Variants in GGA1 observed in about 807,000 individuals in gnomAD.
The protein encoded by GGA1 is golgi associated, gamma adaptin ear containing, ARF binding protein 1.
A neutral mutation model predicts 76.9 loss-of-function variants in GGA1; 18 were observed. The observed-to-expected ratio is 0.23, with a 90% CI of 0.16 to 0.35. GGA1 has a LOEUF of 0.35. Ranked by LOEUF, GGA1 falls within the 10% of genes least tolerant of loss-of-function variation. GGA1 has a pLI of 1.00. For synonymous variants in GGA1, 342 were observed against 354.7 expected (o/e 0.96, Z 0.40); for missense variants, 755 against 859.0 (o/e 0.88, Z 1.51).
intron 11 of GGA1, among the ~76,000 whole-genome samples, chr22:37,628,991 G>A (rs959814700): frequency 7.9e-5 from 12 of 152,208 alleles, no homozygotes; most frequent in Non-Finnish European, 1.5e-4. Flanking sequence ...GTCCAGCCCT[G>A]TCCTCGTATT....
chr22:37,617,134 G>C, intron 3 of GGA1, 137 bp downstream of exon 3: 2 of 1,504,472 alleles, frequency 1.3e-6, no homozygotes, highest in Non-Finnish European at 1.8e-6. Context: ...ATGGAGGTCC[G>C]GGCCTGCCCC....
At chr22:37,620,779 T>TC in intron 5 of GGA1, 34 bp from the exon 6 acceptor site, 1 of 1,318,288 alleles carries the variant, frequency 7.6e-7, no homozygotes, top group Non-Finnish European at 1.1e-6. Flanking sequence ...GCCTGGGACA[T>TC]ATTGACAGCC....
rs368649058 is a variant in GGA1, at chr22:37,623,453, G to A, written c.736G>A (p.Glu246Lys). 29 of 1,613,954 alleles carry A rather than the reference G, an allele frequency of 1.8e-5. No individual in the cohort carries two copies. The highest frequency in any genetic ancestry group is 6.7e-5 in the East Asian group (3 of 44,896). The change falls in exon 8 of 17, where the codon GAG (glutamate) becomes AAG (lysine). Residue 246 changes from glutamate (E) to lysine (K), a missense_variant. Glu to Lys is a moderately conservative substitution (Grantham distance 56). Transcript: ENST00000343632. This position sits in a 1 kb window ranked among gnomAD's most constrained non-coding sequence, Gnocchi z 4.6. ...SQGGAAAGSS[E>K]DLMKELYQRC... The stretch of plus-strand genomic sequence containing the variant: ...GGGCGGCGCAGCAGCTGGCAGCAGC[G>A]AGGACCTCATGAAGGTGCACCTGCC...
rs948167406 is a variant in GGA1 at position 37,624,174 on chromosome 22, G to A, written c.832+541G>A. On this transcript the variant is annotated intron_variant, in intron 9 of 16. Transcript: ENST00000343632. The surrounding 1 kb of genome is among the most constrained non-coding windows in gnomAD (Gnocchi z 4.3). ...TGGGTACCATCCACTCCCTCATTAA[G>A]CAGGAGCCCCACCCACAAGGCTCAC... 1.9e-5 allele frequency: 3 copies of A among 161,794 alleles called. No homozygotes were observed. The highest frequency in any genetic ancestry group is 4.1e-5 in the Non-Finnish European group (3 of 72,524). The allele number at this position is 161,794 out of a possible 1,614,324, so 10.0% of individuals were successfully genotyped here.
At chr22:37,616,687 C>T (rs1251921707) in intron 2 of GGA1, among the ~76,000 whole-genome samples, 1 of 152,234 alleles carries the variant, frequency 6.6e-6, no homozygotes, top group Non-Finnish European at 1.5e-5. Flanking sequence ...CTGTCTGGCC[C>T]TGCCCTGCCA....
chr22:37,632,801 GC>G lies in GGA1; in HGVS notation c.*93del. On this transcript the variant is annotated 3_prime_UTR_variant, in exon 17 of 17. Coordinates refer to ENST00000343632, the MANE Select transcript of GGA1 (RefSeq NM_013365.5). The surrounding 1 kb of genome is among the most constrained non-coding windows in gnomAD (Gnocchi z 5.1). ...TTGGTGGCCAAGGACACCCTTTGTT[GC>G]CCATGGCCATTCACCCCCAGGCCTG... 1.3e-6 allele frequency: 1 copy of G among 771,642 alleles called. No homozygotes were observed. The highest frequency in any genetic ancestry group is 1.5e-5 in the South Asian group (1 of 65,994). The allele number at this position is 771,642 out of a possible 1,614,324, so 47.8% of individuals were successfully genotyped here. A position where few individuals can be genotyped will look rare whatever the true frequency, so the allele number is the denominator to read the frequency against.
At position 37,621,765 on chromosome 22, in the gene GGA1, G is replaced by T. The variant is rs1929941276; in HGVS notation, c.609+69G>T. The stretch of plus-strand genomic sequence containing the variant: ...TATTGAGCTGGGCCACTGAGATGGG[G>T]CTGTATGCATCTTCACATGGAAGGA... On this transcript the variant is annotated intron_variant, in intron 7 of 16. Coordinates refer to ENST00000343632, the MANE Select transcript of GGA1 (RefSeq NM_013365.5). 3.0e-6 allele frequency: 3 copies of T among 998,274 alleles called. No individual in the cohort carries two copies. The Admixed American group carries it at 6.5e-5, about 22-fold the overall frequency. The allele number at this position is 998,274 out of a possible 1,614,324, so 61.8% of individuals were successfully genotyped here.
chr22:37,611,318 C>T (rs1927533433), intron 1 of GGA1, among the ~76,000 whole-genome samples: 1 of 151,772 alleles, frequency 6.6e-6, no homozygotes, highest in Non-Finnish European at 1.5e-5. Context: ...TCTGAGAGCC[C>T]TCCCAGAGAG....
At chr22:37,617,269 G>A in intron 3 of GGA1, 1 of 1,341,554 alleles carries the variant, frequency 7.5e-7, no homozygotes, top group Non-Finnish European at 9.5e-7. Context: ...CTGCACATCG[G>A]CTGCCTCTCC....
At position 37,612,369 on chromosome 22, in the gene GGA1, G is replaced by T. The variant is rs570398608; in HGVS notation, c.44-1821G>T. On this transcript the variant is annotated intron_variant, in intron 1 of 16. Transcript: ENST00000343632. ...CACCTGTAGTCCCAGCTACTCGGGA[G>T]GCTGAGGCAGGAGAATGGCGTGAAC... Among the ~76,000 whole-genome samples, 10 of 149,754 alleles carry T rather than the reference G, an allele frequency of 6.7e-5. 1 individual carries two copies. In the East Asian group the frequency reaches 2.0e-3, roughly 29 times the overall value.
At position 37,625,194 on chromosome 22, in the gene GGA1, C is replaced by G. The variant is rs905429279; in HGVS notation, c.940+118C>G. 5 of 910,046 alleles carry G rather than the reference C, an allele frequency of 5.5e-6. No individual in the cohort carries two copies. In the East Asian group the frequency reaches 1.3e-4, roughly 25 times the overall value. 56.4% of individuals were successfully genotyped at this position (910,046 alleles called of 1,614,324 possible). ...ATGACTGCCAGGGTGACCCTGGCCC[C>G]TTAAGATGGGGAAGGCCCCAGGGAG... On this transcript the variant is annotated intron_variant, in intron 10 of 16. Transcript: ENST00000343632. The surrounding 1 kb of genome is among the most constrained non-coding windows in gnomAD (Gnocchi z 4.1).
intron 2 of GGA1, 52 bp from the exon 3 acceptor site, chr22:37,616,870 G>A: frequency 6.5e-7 from 1 of 1,536,672 alleles, no homozygotes; most frequent in East Asian, 2.4e-5. Flanking sequence ...GTGGCCCTAG[G>A]GTGACCGGGA....
chr22:37,620,577 CAA>C (rs1929699407), intron 5 of GGA1, among the ~76,000 whole-genome samples: 1 of 152,204 alleles, frequency 6.6e-6, no homozygotes, highest in Non-Finnish European at 1.5e-5. Flanking sequence ...AGCTTCCCCT[CAA>C]AGAGTGGTCT....
rs539679961 is a variant in GGA1, at chr22:37,623,611, A to G, written c.810A>G (p.Thr270=). The change falls in exon 9 of 17, where the codon ACA becomes ACG. Residue 270 remains threonine, a synonymous_variant. Transcript: ENST00000343632. The surrounding 1 kb of genome is among the most constrained non-coding windows in gnomAD (Gnocchi z 4.6). ...CGCTCTTCCGACTGGCGAGTGACAC[A>G]GAGGACAATGATGAGGCCTTAGGTG... ...RPTLFRLASD[T]EDNDEALAEI... The G allele has an allele frequency of 1.8e-5, 28 of 1,592,280 alleles. No homozygotes were observed. In the South Asian group the frequency reaches 2.8e-4, roughly 16 times the overall value.
At chr22:37,630,716 G>A (rs1043864378) in intron 13 of GGA1, 187 bp from the exon 14 acceptor site, 20 of 573,198 alleles carry the variant, frequency 3.5e-5, no homozygotes, top group Admixed American at 6.9e-5. Flanking sequence ...ACAGGTGTGC[G>A]CTACCACGCC....
intron 1 of GGA1, chr22:37,613,096 C>T (rs1928042476): frequency 2.0e-6 from 2 of 985,240 alleles, no homozygotes; most frequent in Non-Finnish European, 2.4e-6. Context: ...AGAGAACTGA[C>T]CCAGCACTGC....
chr22:37,617,051 A>G, intron 3 of GGA1, 54 bp downstream of exon 3: 1 of 1,560,866 alleles, frequency 6.4e-7, no homozygotes, highest in Non-Finnish European at 8.7e-7. Context: ...ACACCAAGGG[A>G]GGCCAAGACT....
At chr22:37,618,663 C>A in intron 4 of GGA1, 117 bp downstream of exon 4, 1 of 647,046 alleles carries the variant, frequency 1.5e-6, no homozygotes, top group Admixed American at 2.2e-5. Flanking sequence ...GTCACCTCAG[C>A]CCCCCATTAG....
chr22:37,624,872 C>T lies in GGA1; in HGVS notation c.833-97C>T, dbSNP rs541483874. 3 of 1,484,476 alleles carry T rather than the reference C, an allele frequency of 2.0e-6. No individual in the cohort carries two copies. The East Asian group carries it at 7.5e-5, about 37-fold the overall frequency. 92.0% of individuals were successfully genotyped at this position (1,484,476 alleles called of 1,614,324 possible). A position where few individuals can be genotyped will look rare whatever the true frequency, so the allele number is the denominator to read the frequency against. On this transcript the variant is annotated intron_variant, in intron 9 of 16. Transcript: ENST00000343632. The surrounding 1 kb of genome is among the most constrained non-coding windows in gnomAD (Gnocchi z 4.3). ...TTTCCCTGCCCCTTTCCCTTCCCCT[C>T]ACACACAGGCTGTGATGGATGTGGG...
Sources: allele counts gnomAD v4.1 joint callset (sites outside exome capture counted in the v4.1 genomes callset), GRCh38; gene constraint gnomAD v4.1.1; non-coding constraint Gnocchi (gnomAD v3.1); transcripts MANE v1.5; gene names NCBI Gene and HGNC (gene_info 2026-07-23, HGNC 2026-07-21).